MYOM2: variants seen among roughly 807,000 people sequenced by gnomAD.
The protein encoded by MYOM2 is myomesin-2.
Under a neutral mutation model 187.6 loss-of-function variants are expected in MYOM2, and 254 were observed. That is an observed-to-expected ratio of 1.35 (90% CI 1.22 to 1.50). MYOM2 has a LOEUF of 1.50. MYOM2 is among the 40% of genes most tolerant of loss of function. The pLI is 0.00. For missense variants in MYOM2, 2,796 were observed against 1,924.0 expected, an observed-to-expected ratio of 1.45 and a Z score of -8.48; for synonymous variants, 981 against 753.8, an observed-to-expected ratio of 1.30 and a Z score of -4.94.
intron 32 of MYOM2, among the ~76,000 whole-genome samples, chr8:2,131,762 G>A (rs576566101): frequency 6.7e-6 from 1 of 150,250 alleles, no homozygotes; most frequent in African/African-American, 2.5e-5. Context: ...TCCTGCCTCA[G>A]CCTCCCAAGT....
At chr8:2,060,983 C>T (rs911922462) in intron 6 of MYOM2, among the ~76,000 whole-genome samples, 4 of 151,920 alleles carry the variant, frequency 2.6e-5, no homozygotes, top group African/African-American at 4.8e-5. Flanking sequence ...GGGTTCCGGC[C>T]GAGCCTCCCC....
chr8:2,074,854 G>T (rs75869738), intron 10 of MYOM2, among the ~76,000 whole-genome samples: 1,529 of 152,276 alleles, frequency 0.01, 32 homozygotes, highest in African/African-American at 0.036. Context: ...CCTCCTTGCT[G>T]AGGCACAGCT....
chr8:2,055,917 G>C (rs1162942973), intron 3 of MYOM2, among the ~76,000 whole-genome samples: 1 of 152,138 alleles, frequency 6.6e-6, no homozygotes, highest in Non-Finnish European at 1.5e-5. Flanking sequence ...GGTGGCTCGT[G>C]CACAGTGCCA....
chr8:2,106,081 C>G (rs1407400879), intron 21 of MYOM2, among the ~76,000 whole-genome samples, 161 bp from the exon 22 acceptor site: 2 of 151,716 alleles, frequency 1.3e-5, no homozygotes, highest in Non-Finnish European at 2.9e-5. Context: ...GGGGAAACCA[C>G]CCCCGTGATC....
chr8:2,127,070 C>A (rs551574518), intron 31 of MYOM2, among the ~76,000 whole-genome samples: 4 of 151,924 alleles, frequency 2.6e-5, no homozygotes, highest in Non-Finnish European at 5.9e-5. Context: ...CTCCGACCCT[C>A]CCGTGTTCTG....
At chr8:2,065,430 T>A (rs1055375572) in intron 6 of MYOM2, among the ~76,000 whole-genome samples, 2 of 151,906 alleles carry the variant, frequency 1.3e-5, no homozygotes, top group African/African-American at 4.8e-5. Flanking sequence ...ATTAGCTGGG[T>A]GTGGTGGTGC....
chr8:2,079,649 C>A, intron 13 of MYOM2, 36 bp downstream of exon 13: 1 of 1,607,374 alleles, frequency 6.2e-7, no homozygotes, highest in South Asian at 1.1e-5. Context: ...TGCTCAGCCC[C>A]TGGGGATTTG....
chr8:2,076,630 G>C, intron 11 of MYOM2: 1 of 206,150 alleles, frequency 4.9e-6, no homozygotes. Flanking sequence ...CAGGGCCCTG[G>C]CTTTAGCAGA....
intron 8 of MYOM2, 30 bp from the exon 9 acceptor site, chr8:2,072,315 G>T: frequency 6.3e-7 from 1 of 1,595,130 alleles, no homozygotes; most frequent in Non-Finnish European, 8.5e-7. Flanking sequence ...CTGCCCTTCG[G>T]CCCTGAAAGC....
intron 6 of MYOM2, among the ~76,000 whole-genome samples, chr8:2,062,688 G>C (rs1431835228): frequency 6.6e-6 from 1 of 152,132 alleles, no homozygotes; most frequent in Non-Finnish European, 1.5e-5. Context: ...TGTCTAGAAA[G>C]AGACCACCTG....
intron 23 of MYOM2, among the ~76,000 whole-genome samples, chr8:2,107,907 C>T (rs1368255904): frequency 6.6e-6 from 1 of 152,140 alleles, no homozygotes; most frequent in East Asian, 1.9e-4. Context: ...GAAAAAATTC[C>T]ACCTTCTCTT....
rs533438646 is a variant in MYOM2, at chr8:2,068,495, C to T, written c.654-783C>T. On this transcript the variant is annotated intron_variant, in intron 6 of 36. Coordinates refer to ENST00000262113, the MANE Select transcript of MYOM2 (RefSeq NM_003970.4). ...ATCCCGTGGGCAGCTCTTCAATGCC[C>T]GTGTGCACCAGGCAGAGAGCATCCT... is the stretch of plus-strand genomic sequence containing the variant. Among the ~76,000 whole-genome samples the T allele has an allele frequency of 2.9e-3, 391 of 135,928 alleles. 1 individual carries two copies. Among genetic ancestry groups the T allele is most frequent in the Non-Finnish European group, 4.9e-3 (309 of 63,386 alleles). 89.2% of individuals were successfully genotyped at this position (135,928 alleles called of 152,430 possible).
intron 28 of MYOM2, 54 bp downstream of exon 28, chr8:2,118,006 A>G: frequency 6.6e-7 from 1 of 1,521,200 alleles, no homozygotes; most frequent in Non-Finnish European, 9.1e-7. Context: ...GGTTCCTATC[A>G]GAGAGGCCTT....
At chr8:2,098,438 AC>A (rs371862641) in intron 18 of MYOM2, among the ~76,000 whole-genome samples, 1 of 151,560 alleles carries the variant, frequency 6.6e-6, no homozygotes, top group Non-Finnish European at 1.5e-5. Flanking sequence ...CTCCAGGGTG[AC>A]CCCCCTTGGG....
At position 2,090,182 on chromosome 8, in the gene MYOM2, G is replaced by A; in HGVS notation, c.1819G>A (p.Asp607Asn). ...GATAACGTCCCCCATTCAGGCCCAG[G>A]ATGTGACCGGTGAGCTGTCACACTG... ...SEITSPIQAQ[D>N]VTVVPSAPGR... is the part of the protein sequence containing the mutation. Residue 607 changes from aspartate to asparagine, a missense_variant, in exon 15 of 37, where the codon GAT becomes AAT. Asp to Asn is a conservative substitution (Grantham distance 23). Coordinates refer to ENST00000262113, the MANE Select transcript of MYOM2 (RefSeq NM_003970.4). 1.9e-6 allele frequency: 3 copies of A among 1,612,964 alleles called. No homozygotes were observed. Among genetic ancestry groups the A allele is most frequent in the Non-Finnish European group, 2.5e-6 (3 of 1,179,156 alleles).
intron 1 of MYOM2, among the ~76,000 whole-genome samples, chr8:2,048,319 G>C (rs1005423931): frequency 6.6e-6 from 1 of 152,228 alleles, no homozygotes; most frequent in Non-Finnish European, 1.5e-5. Flanking sequence ...CTTCATTTCA[G>C]TGAGCTCTTC....
rs748716855 is a variant in MYOM2 at position 2,076,297 on chromosome 8, T to C, written c.1262+15T>C. 6.2e-7 allele frequency: 1 copy of C among 1,612,554 alleles called. No homozygotes were observed. Among genetic ancestry groups the C allele is most frequent in the South Asian group, 1.1e-5 (1 of 90,724 alleles). On this transcript the variant is annotated intron_variant, in intron 11 of 36. Transcript: ENST00000262113. ...TTTGTGGACCGGTGAGCGTCTTGCA[T>C]TCTCCCGGGGATGGGAACGTTCCGC... is the stretch of plus-strand genomic sequence containing the variant.
At chr8:2,134,900 G>A (rs1365577459) in intron 32 of MYOM2, among the ~76,000 whole-genome samples, 2 of 152,132 alleles carry the variant, frequency 1.3e-5, no homozygotes, top group Admixed American at 1.3e-4. Flanking sequence ...ACAAAGGTTG[G>A]CATCAGAGAC....
At chr8:2,047,296 G>A (rs915961110) in intron 1 of MYOM2, among the ~76,000 whole-genome samples, 5 of 152,144 alleles carry the variant, frequency 3.3e-5, no homozygotes, top group Non-Finnish European at 7.3e-5. Context: ...TGGTGGCCCA[G>A]GCTGGGTGAG....
Sources: gnomAD v4.1 joint callset for allele counts (sites outside exome capture counted in the v4.1 genomes callset) on GRCh38, gnomAD v4.1.1 for gene constraint, MANE v1.5 for transcripts, NCBI Gene and HGNC (gene_info 2026-07-23, HGNC 2026-07-21) for gene names.